The following DPY19L1 variants were observed in gnomAD, a reference collection of about 807,000 sequenced individuals.
DPY19L1 encodes the protein protein C-mannosyl-transferase DPY19L1.
In DPY19L1, 35 loss-of-function variants were observed where a neutral mutation model predicts 96.9. The observed-to-expected ratio is 0.36, with a 90% confidence interval of 0.28 to 0.48. The LOEUF (loss-of-function observed/expected upper bound fraction) is 0.48. Ranked by LOEUF, DPY19L1 falls within the 20% of genes least tolerant of loss-of-function variation. DPY19L1 has a pLI of 0.99. For missense variants in DPY19L1, 521 were observed against 777.9 expected, an observed-to-expected ratio of 0.67 and a Z score of 3.93; for synonymous variants, 205 against 252.6, an observed-to-expected ratio of 0.81 and a Z score of 1.79.
upstream of DPY19L1, chr7:35,037,607 G>T (rs1225874851): frequency 4.0e-6 from 1 of 251,092 alleles, no homozygotes; most frequent in Admixed American, 5.6e-5. Flanking sequence ...AGGCGGCGCC[G>T]GACTTGCTAG....
intron 1 of DPY19L1, among the ~76,000 whole-genome samples, chr7:35,036,832 G>C (rs1562834970): frequency 6.6e-6 from 1 of 151,750 alleles, no homozygotes; most frequent in Non-Finnish European, 1.5e-5. Flanking sequence ...GGCAGCTGTT[G>C]ATCCCCGGGC....
chr7:35,011,776 C>T lies in DPY19L1; in HGVS notation c.550-326G>A, dbSNP rs914775021. ...AGATACTGGGTCTACTGGAATAGAC[C>T]GAATTATTTAAGATATGAATTCTCC... On this transcript the variant is annotated intron_variant, in intron 4 of 21. Coordinates refer to ENST00000638088, the MANE Select transcript of DPY19L1 (RefSeq NM_001366673.1). Among the ~76,000 whole-genome samples, 7 of 151,990 alleles carry T rather than the reference C, an allele frequency of 4.6e-5. No homozygotes were observed. In the East Asian group the frequency reaches 5.8e-4, roughly 13 times the overall value.
chr7:34,969,111 T>C (rs896761349), intron 9 of DPY19L1, among the ~76,000 whole-genome samples: 10 of 152,180 alleles, frequency 6.6e-5, no homozygotes, highest in African/African-American at 2.4e-4. Context: ...TACTTGAAGT[T>C]ATAGCACTAG....
intron 4 of DPY19L1, among the ~76,000 whole-genome samples, chr7:35,012,529 T>C (rs1785737442): frequency 6.6e-6 from 1 of 152,152 alleles, no homozygotes; most frequent in South Asian, 2.1e-4. Flanking sequence ...GGAGAGAGGA[T>C]GGACACCTCA....
At position 34,998,521 on chromosome 7, in the gene DPY19L1, G is replaced by A. The variant is rs137934355; in HGVS notation, c.765-8580C>T. The stretch of plus-strand genomic sequence containing the variant: ...TAAGTGTCTGCATATGACCAGGGGT[G>A]AGGGGGAGGAGTAGTCAATGGCACT... On this transcript the variant is annotated intron_variant, in intron 6 of 21. Coordinates refer to ENST00000638088, the MANE Select transcript of DPY19L1 (RefSeq NM_001366673.1). 6.2e-3 allele frequency among the ~76,000 whole-genome samples: 945 copies of A among 152,324 alleles called. 13 individuals are homozygous for A. The highest frequency in any genetic ancestry group is 0.022 in the African/African-American group (898 of 41,570).
In DPY19L1 at chr7:34,929,123, A is replaced by G. The variant is rs752884406; in HGVS notation, c.*2450T>C. Reference sequence around the variant, plus strand: ...TTTCGAAAATGTTGTAGCAATAGCTATTTTGATCGCTTCTTTGCCCATCCT... The same window carrying G: ...TTTCGAAAATGTTGTAGCAATAGCTGTTTTGATCGCTTCTTTGCCCATCCT... On this transcript the variant is annotated 3_prime_UTR_variant, in exon 22 of 22. Coordinates refer to ENST00000638088, the MANE Select transcript of DPY19L1 (RefSeq NM_001366673.1). 2.6e-5 allele frequency: 4 copies of G among 152,202 alleles called. No individual in the cohort carries two copies. The highest frequency in any genetic ancestry group is 5.9e-5 in the Non-Finnish European group (4 of 68,024). The allele number at this position is 152,202 out of a possible 1,614,324, so 9.4% of individuals were successfully genotyped here. A position where few individuals can be genotyped will look rare whatever the true frequency, so the allele number is the denominator to read the frequency against.
intron 6 of DPY19L1, among the ~76,000 whole-genome samples, chr7:34,997,064 A>G (rs1362742761): frequency 1.3e-5 from 2 of 152,166 alleles, no homozygotes; most frequent in African/African-American, 4.8e-5. Context: ...AGTCATGGCT[A>G]TCTCTTAGAG....
At chr7:34,982,630 C>A (rs1784964111) in intron 7 of DPY19L1, among the ~76,000 whole-genome samples, 1 of 152,182 alleles carries the variant, frequency 6.6e-6, no homozygotes, top group Non-Finnish European at 1.5e-5. Flanking sequence ...CACCTGGGAA[C>A]AACTGCATAA....
intron 20 of DPY19L1, among the ~76,000 whole-genome samples, 169 bp from the exon 21 acceptor site, chr7:34,938,288 A>G (rs576798982): frequency 1.3e-5 from 2 of 152,368 alleles, no homozygotes; most frequent in East Asian, 3.9e-4. Flanking sequence ...CAAAAGCAGA[A>G]GGCAGGAGGA....
chr7:34,956,490 A>G (rs900415360), intron 11 of DPY19L1, among the ~76,000 whole-genome samples: 6 of 151,598 alleles, frequency 4.0e-5, no homozygotes, highest in African/African-American at 1.5e-4. Flanking sequence ...GGGAAGAGGC[A>G]TATTTTTGAG....
intron 1 of DPY19L1, among the ~76,000 whole-genome samples, chr7:35,021,337 T>C (rs2128680945): frequency 6.6e-6 from 1 of 152,334 alleles, no homozygotes; most frequent in South Asian, 2.1e-4. Flanking sequence ...TACCTTGCTT[T>C]CTCAGAATAA....
chr7:34,947,137 G>C (rs534476568), intron 15 of DPY19L1, among the ~76,000 whole-genome samples: 2 of 151,990 alleles, frequency 1.3e-5, no homozygotes, highest in Non-Finnish European at 2.9e-5. Flanking sequence ...TTTATATCTG[G>C]GCTTTGAATT....
chr7:34,973,098 T>G (rs1784757831), intron 8 of DPY19L1, among the ~76,000 whole-genome samples: 1 of 152,308 alleles, frequency 6.6e-6, no homozygotes, highest in African/African-American at 2.4e-5. Flanking sequence ...TATTCAATAT[T>G]TGTCAGCAGA....
intron 7 of DPY19L1, among the ~76,000 whole-genome samples, chr7:34,987,032 A>C (rs1245736066): frequency 1.3e-5 from 2 of 151,924 alleles, no homozygotes; most frequent in Non-Finnish European, 2.9e-5. Flanking sequence ...TATTTCACAA[A>C]AAAAGAATTT....
In DPY19L1 at chr7:34,954,797, A is replaced by C. The variant is rs759493230; in HGVS notation, c.1240-19T>G. ...GAATAACCTAAACAAAAGAAAACAAAAATAACTTTGATGCTTCATATTCCA... is the reference window on the plus strand; with the variant it reads ...GAATAACCTAAACAAAAGAAAACAACAATAACTTTGATGCTTCATATTCCA... On this transcript the variant is annotated intron_variant, in intron 12 of 21. Transcript: ENST00000638088. 2 of 1,420,788 alleles carry C rather than the reference A, an allele frequency of 1.4e-6. No homozygotes were observed. Among genetic ancestry groups the C allele is most frequent in the Non-Finnish European group, 1.9e-6 (2 of 1,033,028 alleles). The allele number at this position is 1,420,788 out of a possible 1,614,324, so 88.0% of individuals were successfully genotyped here.
chr7:34,940,221 A>G lies in DPY19L1; in HGVS notation c.1796T>C (p.Ile599Thr), dbSNP rs1783972714. ...GSANLQTQWN[I>T]VGEFSNLPQE... ...GGGCAAATTGCTGAACTCCCCTACA[A>G]TATTCCACTGGGTTTGCAGATTTGC... The change falls in exon 19 of 22, where the codon ATT (isoleucine) becomes ACT (threonine). Residue 599 changes from isoleucine (I) to threonine (T), a missense_variant. Transcript: ENST00000638088. 1.2e-6 allele frequency: 2 copies of G among 1,611,546 alleles called. No individual in the cohort carries two copies. The highest frequency in any genetic ancestry group is 1.7e-6 in the Non-Finnish European group (2 of 1,179,464).
intron 6 of DPY19L1, among the ~76,000 whole-genome samples, chr7:35,004,597 A>C (rs1785508183): frequency 6.6e-6 from 1 of 152,318 alleles, no homozygotes; most frequent in South Asian, 2.1e-4. Context: ...TAATCTTTAA[A>C]CATGTATATA....
chr7:34,949,622 T>C (rs1026006382), intron 14 of DPY19L1, among the ~76,000 whole-genome samples, 175 bp downstream of exon 14: 1 of 152,210 alleles, frequency 6.6e-6, no homozygotes, highest in Non-Finnish European at 1.5e-5. Flanking sequence ...AAAGGCCATA[T>C]ATTTCAGGGA....
Position 34,940,131 on chromosome 7 carries a change from TTTTTC to T in DPY19L1, c.1864+17_1864+21del. 1 of 1,459,912 alleles carries T rather than the reference TTTTTC, an allele frequency of 6.8e-7. No homozygotes were observed. Among genetic ancestry groups the T allele is most frequent in the Non-Finnish European group, 9.0e-7 (1 of 1,113,768 alleles). 90.4% of individuals were successfully genotyped at this position (1,459,912 alleles called of 1,614,324 possible). On this transcript the variant is annotated intron_variant, in intron 19 of 21. Transcript: ENST00000638088. ...AAAACAGCTAAATAATATGACTTTT[TTTTTC>T]TTTTTTTTTTTTTTACCTGGTTTAG...
Sources: allele counts gnomAD v4.1 joint callset (sites outside exome capture counted in the v4.1 genomes callset), GRCh38; gene constraint gnomAD v4.1.1; transcripts MANE v1.5; gene names NCBI Gene and HGNC (gene_info 2026-07-23, HGNC 2026-07-21).